KHDRBS3: variants seen among roughly 807,000 people sequenced by gnomAD.
The protein encoded by KHDRBS3 is KH domain-containing, RNA-binding, signal transduction-associated protein 3.
In KHDRBS3, 23 loss-of-function variants were observed where a neutral mutation model predicts 45.6. That is an observed-to-expected ratio of 0.50 (90% CI 0.36 to 0.72). KHDRBS3 has a LOEUF of 0.72. KHDRBS3 is among the 30% of genes least tolerant of loss of function. The probability of loss-of-function intolerance (pLI) is 0.00; values close to 1 mark genes in which losing one functional copy is unlikely to be tolerated. For missense variants in KHDRBS3, 352 were observed against 424.8 expected, an observed-to-expected ratio of 0.83 and a Z score of 1.51; for synonymous variants, 162 against 156.5, an observed-to-expected ratio of 1.04 and a Z score of -0.26.
chr8:135,516,236 A>T (rs1824593488), intron 1 of KHDRBS3, among the ~76,000 whole-genome samples: 1 of 152,228 alleles, frequency 6.6e-6, no homozygotes, highest in African/African-American at 2.4e-5. Flanking sequence ...GACACTTACC[A>T]TGAGTGGAGC....
intron 6 of KHDRBS3, among the ~76,000 whole-genome samples, chr8:135,583,030 T>G (rs1308614320): frequency 6.6e-6 from 1 of 152,224 alleles, no homozygotes; most frequent in Non-Finnish European, 1.5e-5. Flanking sequence ...TTATACTGCC[T>G]CCTCAGCCTA....
chr8:135,468,526 G>A (rs1821817179), intron 1 of KHDRBS3, among the ~76,000 whole-genome samples: 1 of 152,192 alleles, frequency 6.6e-6, no homozygotes, highest in Non-Finnish European at 1.5e-5. Context: ...TGTGGGCTGT[G>A]CATTCTACTC....
In KHDRBS3 at chr8:135,582,168, G is replaced by T. The variant is rs575130793; in HGVS notation, c.807+95G>T. 9 of 1,239,290 alleles carry T rather than the reference G, an allele frequency of 7.3e-6. No individual in the cohort carries two copies. The South Asian group carries it at 1.5e-4, about 21-fold the overall frequency. 76.8% of individuals were successfully genotyped at this position (1,239,290 alleles called of 1,614,324 possible). On this transcript the variant is annotated intron_variant, in intron 6 of 8. Transcript: ENST00000355849. Reference sequence around the variant, plus strand: ...GTACCCGCGTACGCTTCCTCACCTTGTTTTGGTTCTTGAGTATTCTACTTT... The same window carrying T: ...GTACCCGCGTACGCTTCCTCACCTTTTTTTGGTTCTTGAGTATTCTACTTT...
At chr8:135,593,485 A>G (rs1828839005) in intron 6 of KHDRBS3, 1 of 152,154 alleles carries the variant, frequency 6.6e-6, no homozygotes, top group South Asian at 2.1e-4. Flanking sequence ...AGGACCCAGT[A>G]TATTTTGGTT....
intron 7 of KHDRBS3, among the ~76,000 whole-genome samples, chr8:135,639,059 G>A (rs998921389): frequency 2.0e-5 from 3 of 152,132 alleles, no homozygotes; most frequent in African/African-American, 7.2e-5. Context: ...GTATGTCAAG[G>A]AAGAGGTGTA....
intron 1 of KHDRBS3, among the ~76,000 whole-genome samples, chr8:135,467,700 A>G (rs1821769509): frequency 6.6e-6 from 1 of 152,236 alleles, no homozygotes; most frequent in Non-Finnish European, 1.5e-5. Context: ...AGCCCCTCGT[A>G]CCCGGGCACA....
intron 6 of KHDRBS3, among the ~76,000 whole-genome samples, chr8:135,606,323 T>C (rs1829460434): frequency 6.6e-6 from 1 of 152,148 alleles, no homozygotes; most frequent in African/African-American, 2.4e-5. Context: ...TTCCCCACTT[T>C]TCTTTTGAAG....
At chr8:135,495,841 T>A (rs1180010567) in intron 1 of KHDRBS3, among the ~76,000 whole-genome samples, 6 of 152,134 alleles carry the variant, frequency 3.9e-5, no homozygotes, top group Non-Finnish European at 5.9e-5. Context: ...GAGCCGATCT[T>A]GGCCTCTCTG....
chr8:135,583,009 C>T (rs148331371), intron 6 of KHDRBS3, among the ~76,000 whole-genome samples: 1 of 152,290 alleles, frequency 6.6e-6, no homozygotes, highest in East Asian at 1.9e-4. Flanking sequence ...CTTAGTCTTC[C>T]AGACCTTTGC....
intron 1 of KHDRBS3, among the ~76,000 whole-genome samples, chr8:135,473,982 CTTG>C (rs1415563423): frequency 6.6e-6 from 1 of 152,186 alleles, no homozygotes; most frequent in Non-Finnish European, 1.5e-5. Flanking sequence ...CAGCGGGATC[CTTG>C]TTGTCCTCTA....
At chr8:135,515,534 A>G (rs752401827) in intron 1 of KHDRBS3, among the ~76,000 whole-genome samples, 2 of 151,856 alleles carry the variant, frequency 1.3e-5, no homozygotes, top group African/African-American at 4.8e-5. Flanking sequence ...GCTGATATGC[A>G]TGGTACAAGA....
At chr8:135,582,758 CAATG>C (rs1453758026) in intron 6 of KHDRBS3, among the ~76,000 whole-genome samples, 1 of 152,128 alleles carries the variant, frequency 6.6e-6, no homozygotes, top group Non-Finnish European at 1.5e-5. Flanking sequence ...GAACCATTGT[CAATG>C]AAAGGGAAGC....
chr8:135,592,588 A>T (rs1201148974), intron 6 of KHDRBS3, among the ~76,000 whole-genome samples: 1 of 152,178 alleles, frequency 6.6e-6, no homozygotes, highest in Non-Finnish European at 1.5e-5. Context: ...TTAAGTAGAT[A>T]AGAGTCTAAG....
intron 5 of KHDRBS3, among the ~76,000 whole-genome samples, chr8:135,558,112 A>G (rs1826980298): frequency 6.6e-6 from 1 of 152,186 alleles, no homozygotes; most frequent in Non-Finnish European, 1.5e-5. Flanking sequence ...GTTCATTGCA[A>G]CATCACCAAT....
intron 7 of KHDRBS3, among the ~76,000 whole-genome samples, chr8:135,614,979 A>C (rs1329063157): frequency 6.6e-6 from 1 of 151,742 alleles, no homozygotes; most frequent in Non-Finnish European, 1.5e-5. Flanking sequence ...GAGAGGAAAC[A>C]TCAGTGGTAG....
At chr8:135,650,461 T>A (rs1831406540), downstream of KHDRBS3, among the ~76,000 whole-genome samples, 1 of 152,224 alleles carries the variant, frequency 6.6e-6, no homozygotes, top group Non-Finnish European at 1.5e-5. Flanking sequence ...AGCATGTGCT[T>A]ATCACTTTCT....
intron 5 of KHDRBS3, among the ~76,000 whole-genome samples, chr8:135,573,745 A>G (rs895993197): frequency 1.1e-4 from 16 of 151,798 alleles, no homozygotes; most frequent in Admixed American, 3.3e-4. Context: ...TTTTTTTGGT[A>G]TTTGTTCATT....
chr8:135,626,375 C>A (rs1462535213), intron 7 of KHDRBS3, among the ~76,000 whole-genome samples: 1 of 152,160 alleles, frequency 6.6e-6, no homozygotes, highest in Non-Finnish European at 1.5e-5. Context: ...AAAATGAAAA[C>A]CTGAGCCTAT....
intron 5 of KHDRBS3, among the ~76,000 whole-genome samples, chr8:135,561,246 C>T (rs1334704169): frequency 2.0e-5 from 3 of 152,200 alleles, no homozygotes; most frequent in South Asian, 2.1e-4. Context: ...AATTGAAACT[C>T]ATTTTAACAA....
Sources: allele counts gnomAD v4.1 joint callset (sites outside exome capture counted in the v4.1 genomes callset), GRCh38; gene constraint gnomAD v4.1.1; transcripts MANE v1.5; gene names NCBI Gene and HGNC (gene_info 2026-07-23, HGNC 2026-07-21).